GPR137C: variants seen among roughly 807,000 people sequenced by gnomAD.
GPR137C encodes the protein integral membrane protein GPR137C.
GPR137C carries 27 observed loss-of-function variants against 43.4 expected under a neutral mutation model. The observed-to-expected ratio is 0.62, with a 90% CI of 0.46 to 0.86. The LOEUF (loss-of-function observed/expected upper bound fraction) is 0.86. GPR137C is among the 40% of genes least tolerant of loss of function. The pLI is 0.00. For synonymous variants in GPR137C, 285 were observed against 226.9 expected, an observed-to-expected ratio of 1.26 and a Z score of -2.30; for missense variants, 522 against 534.6, an observed-to-expected ratio of 0.98 and a Z score of 0.23.
intron 1 of GPR137C, among the ~76,000 whole-genome samples, chr14:52,588,721 T>C (rs1311564606): frequency 6.6e-6 from 1 of 152,144 alleles, no homozygotes; most frequent in Non-Finnish European, 1.5e-5. Context: ...TTTTTTTTCA[T>C]AAAATACTTT....
chr14:52,632,361 C>A, intron 4 of GPR137C, 52 bp downstream of exon 4: 2 of 1,334,290 alleles, frequency 1.5e-6, no homozygotes, highest in Non-Finnish European at 2.1e-6. Flanking sequence ...TTAACTTACC[C>A]TCATCTAGAA....
intron 1 of GPR137C, among the ~76,000 whole-genome samples, chr14:52,577,014 A>AC (rs1424063737): frequency 1.3e-5 from 2 of 150,502 alleles, no homozygotes; most frequent in Non-Finnish European, 2.9e-5. Context: ...GTATGGGGAA[A>AC]CCCCATCTCT....
chr14:52,617,307 C>A (rs2039110213), intron 3 of GPR137C, among the ~76,000 whole-genome samples: 2 of 152,008 alleles, frequency 1.3e-5, no homozygotes, highest in African/African-American at 4.8e-5. Context: ...ATCAAATATA[C>A]TTTATATTTC....
At chr14:52,594,125 T>C (rs2038819619) in intron 1 of GPR137C, among the ~76,000 whole-genome samples, 1 of 152,176 alleles carries the variant, frequency 6.6e-6, no homozygotes, top group Admixed American at 6.5e-5. Flanking sequence ...TCAATTTCCA[T>C]GTAGTTGTGC....
intron 1 of GPR137C, among the ~76,000 whole-genome samples, chr14:52,560,275 GC>G (rs1372003872): frequency 6.6e-6 from 1 of 152,120 alleles, no homozygotes; most frequent in East Asian, 1.9e-4. Context: ...AATTAAAGAG[GC>G]CTCAGTGAGT....
In GPR137C at chr14:52,599,992, A is replaced by G. The variant is rs571398083; in HGVS notation, c.489-121A>G. The stretch of plus-strand genomic sequence containing the variant: ...TTTCTGAATAAATGCTTAAAAATCT[A>G]TGCCATTCATAAACATTTCAAACTG... On this transcript the variant is annotated intron_variant, in intron 2 of 6. Transcript: ENST00000321662. 9.3e-5 allele frequency: 61 copies of G among 658,698 alleles called. 1 individual carries two copies. In the South Asian group the frequency reaches 1.0e-3, roughly 11 times the overall value. 40.8% of individuals were successfully genotyped at this position (658,698 alleles called of 1,614,324 possible). A position where few individuals can be genotyped will look rare whatever the true frequency, so the allele number is the denominator to read the frequency against.
At chr14:52,556,456 T>TA (rs1449813397) in intron 1 of GPR137C, among the ~76,000 whole-genome samples, 1 of 151,416 alleles carries the variant, frequency 6.6e-6, no homozygotes, top group Non-Finnish European at 1.5e-5. Flanking sequence ...AGCCCTTTCT[T>TA]AAACAGTTAA....
intron 3 of GPR137C, among the ~76,000 whole-genome samples, chr14:52,602,419 A>G (rs1187735150): frequency 6.6e-6 from 1 of 151,768 alleles, no homozygotes; most frequent in East Asian, 1.9e-4. Flanking sequence ...TAAAGTTCAG[A>G]CTTTGGTCTT....
At chr14:52,622,042 A>C (rs983141993) in intron 3 of GPR137C, among the ~76,000 whole-genome samples, 1 of 152,014 alleles carries the variant, frequency 6.6e-6, no homozygotes, top group Non-Finnish European at 1.5e-5. Flanking sequence ...ACTTAATAGA[A>C]GACAGCTAGA....
intron 3 of GPR137C, among the ~76,000 whole-genome samples, chr14:52,626,455 TAA>T (rs1210331601): frequency 7.0e-6 from 1 of 142,344 alleles, no homozygotes. Context: ...CCTTCATGAT[TAA>T]AAAAAAAAAA....
At chr14:52,595,174 T>G (rs2139515367) in intron 1 of GPR137C, among the ~76,000 whole-genome samples, 1 of 152,362 alleles carries the variant, frequency 6.6e-6, no homozygotes, top group East Asian at 1.9e-4. Context: ...GTGGGGTTTC[T>G]GCCGAGAGAT....
intron 1 of GPR137C, among the ~76,000 whole-genome samples, chr14:52,594,516 A>G (rs1217933451): frequency 3.9e-5 from 6 of 152,154 alleles, no homozygotes; most frequent in Non-Finnish European, 5.9e-5. Flanking sequence ...TTGGGTGCAT[A>G]TATATTTAGG....
chr14:52,633,443 TTACC>T, intron 4 of GPR137C, 83 bp from the exon 5 acceptor site: 3 of 1,141,504 alleles, frequency 2.6e-6, no homozygotes, highest in South Asian at 3.1e-5. Context: ...ATATTTTATC[TTACC>T]TGACTTGAAA....
At chr14:52,585,902 T>G (rs927140617) in intron 1 of GPR137C, among the ~76,000 whole-genome samples, 1 of 152,114 alleles carries the variant, frequency 6.6e-6, no homozygotes, top group African/African-American at 2.4e-5. Flanking sequence ...TTATCACTCA[T>G]GGCTAAAGCA....
intron 1 of GPR137C, among the ~76,000 whole-genome samples, chr14:52,590,662 A>G (rs929543197): frequency 6.6e-6 from 1 of 152,168 alleles, no homozygotes; most frequent in Non-Finnish European, 1.5e-5. Flanking sequence ...CCATCGTGTT[A>G]TACTTGCACA....
At chr14:52,556,262 G>A (rs974319359) in intron 1 of GPR137C, among the ~76,000 whole-genome samples, 2 of 151,986 alleles carry the variant, frequency 1.3e-5, no homozygotes, top group Admixed American at 6.6e-5. Context: ...GTAGCTTTAA[G>A]GACTTAGTTA....
rs1385505070 is a variant in GPR137C, at chr14:52,553,386, G to C, written c.239G>C (p.Ser80Thr). ...CTCCTGTACCGCGAGCGGCGGCTGA[G>C]TTACCAGAGCCTCTGCCTCTTCCTC... is the stretch of plus-strand genomic sequence containing the variant. ...RLLLYRERRL[S>T]YQSLCLFLCL... Residue 80 changes from serine to threonine, a missense_variant, in exon 1 of 7, where the codon AGT (serine) becomes ACT (threonine). Ser to Thr is a moderately conservative substitution (Grantham distance 58, BLOSUM62 1). Coordinates refer to ENST00000321662, the MANE Select transcript of GPR137C (RefSeq NM_001099652.2). The C allele has an allele frequency of 6.2e-7, 1 of 1,606,294 alleles. No individual in the cohort carries two copies. Among genetic ancestry groups the C allele is most frequent in the African/African-American group, 1.3e-5 (1 of 74,936 alleles).
At chr14:52,577,513 C>CGT (rs1566608285) in intron 1 of GPR137C, among the ~76,000 whole-genome samples, 1 of 133,278 alleles carries the variant, frequency 7.5e-6, no homozygotes, top group Non-Finnish European at 1.6e-5. Context: ...CGTGCGCGCG[C>CGT]GCGCACACAC....
chr14:52,555,009 G>A (rs1421437562), intron 1 of GPR137C, among the ~76,000 whole-genome samples: 1 of 151,874 alleles, frequency 6.6e-6, no homozygotes, highest in Non-Finnish European at 1.5e-5. Context: ...TTATTTGAGG[G>A]TGTTCTAATC....
Sources: allele counts gnomAD v4.1 joint callset (sites outside exome capture counted in the v4.1 genomes callset), GRCh38; gene constraint gnomAD v4.1.1; transcripts MANE v1.5; gene names NCBI Gene and HGNC (gene_info 2026-07-23, HGNC 2026-07-21).